Variants in RGL1 observed in about 807,000 individuals in gnomAD.
RGL1 encodes the protein ral guanine nucleotide dissociation stimulator-like 1.
A neutral mutation model predicts 95.2 loss-of-function variants in RGL1; 24 were observed. That is an observed-to-expected ratio of 0.25 (90% CI 0.18 to 0.35). RGL1 has a LOEUF of 0.35. Among genes scored for constraint, RGL1 ranks in the 10% least tolerant of loss-of-function variants. The probability of loss-of-function intolerance (pLI) is 1.00; values close to 1 mark genes in which losing one functional copy is unlikely to be tolerated. For missense variants in RGL1, 715 were observed against 936.3 expected, an observed-to-expected ratio of 0.76 and a Z score of 3.08; for synonymous variants, 329 against 344.9, an observed-to-expected ratio of 0.95 and a Z score of 0.51.
chr1:183,675,317 T>C (rs1457225501), intron 1 of RGL1, among the ~76,000 whole-genome samples: 1 of 151,880 alleles, frequency 6.6e-6, no homozygotes, highest in African/African-American at 2.4e-5. Flanking sequence ...CTTTGTTTTC[T>C]TTTCTTCTTT....
intron 15 of RGL1, among the ~76,000 whole-genome samples, chr1:183,913,087 G>T (rs947339411): frequency 2.0e-5 from 3 of 147,768 alleles, no homozygotes; most frequent in African/African-American, 7.5e-5. Flanking sequence ...GGTGATAAAA[G>T]AATTTCCGTC....
At chr1:183,864,424 C>G (rs1173466029) in intron 3 of RGL1, among the ~76,000 whole-genome samples, 1 of 152,174 alleles carries the variant, frequency 6.6e-6, no homozygotes, top group Non-Finnish European at 1.5e-5. Context: ...TTTCCAAGAT[C>G]CCACTCTTGC....
intron 3 of RGL1, among the ~76,000 whole-genome samples, chr1:183,850,846 CCT>C (rs1388013566): frequency 6.6e-6 from 1 of 152,080 alleles, no homozygotes; most frequent in Non-Finnish European, 1.5e-5. Context: ...TTAAAAAACT[CCT>C]ACAAGTTTAC....
intron 4 of RGL1, among the ~76,000 whole-genome samples, chr1:183,869,334 T>G (rs556136511): frequency 1.6e-4 from 25 of 152,294 alleles, no homozygotes; most frequent in African/African-American, 5.8e-4. Context: ...TAAAGAGTTT[T>G]AGAGTTTTAA....
At chr1:183,767,066 A>C (rs1476802887) in intron 2 of RGL1, among the ~76,000 whole-genome samples, 1 of 151,986 alleles carries the variant, frequency 6.6e-6, no homozygotes, top group Non-Finnish European at 1.5e-5. Flanking sequence ...AAATTAAAAA[A>C]AAAATTAGCC....
intron 11 of RGL1, among the ~76,000 whole-genome samples, chr1:183,901,342 C>T (rs569576285): frequency 2.0e-5 from 3 of 151,996 alleles, no homozygotes; most frequent in Admixed American, 6.6e-5. Context: ...CAAAAATTAG[C>T]CGGTCATGGT....
chr1:183,694,545 A>G (rs1194614088), intron 1 of RGL1, among the ~76,000 whole-genome samples: 1 of 152,242 alleles, frequency 6.6e-6, no homozygotes, highest in Non-Finnish European at 1.5e-5. Context: ...TCATTTCAAC[A>G]TAAAGCATTT....
chr1:183,819,411 T>C (rs2102451991), intron 2 of RGL1, among the ~76,000 whole-genome samples: 1 of 152,334 alleles, frequency 6.6e-6, no homozygotes, highest in Non-Finnish European at 1.5e-5. Context: ...ATATTTTGGG[T>C]ATACTTTTAC....
chr1:183,779,279 C>T (rs745888544), intron 2 of RGL1, among the ~76,000 whole-genome samples: 3 of 150,058 alleles, frequency 2.0e-5, no homozygotes, highest in Non-Finnish European at 4.4e-5. Context: ...CTTGCTTTGT[C>T]GTCCAGGCTG....
At chr1:183,796,872 T>G (rs534418514) in intron 2 of RGL1, among the ~76,000 whole-genome samples, 19 of 152,346 alleles carry the variant, frequency 1.2e-4, no homozygotes, top group African/African-American at 4.3e-4. Context: ...GTTGTATGTT[T>G]TGATCTTTTC....
intron 1 of RGL1, among the ~76,000 whole-genome samples, chr1:183,705,944 A>G (rs1470489948): frequency 6.6e-6 from 1 of 151,812 alleles, no homozygotes; most frequent in Admixed American, 6.6e-5. Context: ...CTGGGTGGGG[A>G]CTTTAAGAGT....
At chr1:183,919,159 A>C (rs1173037611) in intron 16 of RGL1, among the ~76,000 whole-genome samples, 1 of 152,268 alleles carries the variant, frequency 6.6e-6, no homozygotes, top group Non-Finnish European at 1.5e-5. Flanking sequence ...AACACATTGC[A>C]TGTTAATGTA....
chr1:183,791,564 A>G (rs1660442213), intron 2 of RGL1, among the ~76,000 whole-genome samples: 1 of 152,256 alleles, frequency 6.6e-6, no homozygotes, highest in Non-Finnish European at 1.5e-5. Context: ...AACTGACCAC[A>G]CTAAGACTTC....
chr1:183,827,428 G>A (rs1210458015), intron 2 of RGL1, among the ~76,000 whole-genome samples: 3 of 152,170 alleles, frequency 2.0e-5, no homozygotes, highest in Non-Finnish European at 2.9e-5. Context: ...TGTTAAACTG[G>A]AATCTCTCCC....
At chr1:183,889,313 T>A (rs79281148) in intron 8 of RGL1, among the ~76,000 whole-genome samples, 11 of 152,288 alleles carry the variant, frequency 7.2e-5, no homozygotes, top group African/African-American at 2.6e-4. Context: ...TGAGTACAAC[T>A]AGGCCAGCTA....
chr1:183,732,925 G>T (rs546262219), intron 1 of RGL1, among the ~76,000 whole-genome samples: 4 of 152,254 alleles, frequency 2.6e-5, no homozygotes, highest in African/African-American at 4.8e-5. Flanking sequence ...AGTAGAATTT[G>T]GTTCTCAAAG....
chr1:183,881,871 C>T (rs1047286247), intron 5 of RGL1, among the ~76,000 whole-genome samples: 1 of 152,242 alleles, frequency 6.6e-6, no homozygotes, highest in Admixed American at 6.5e-5. Context: ...CGGACCTCAG[C>T]TCCCTTCAGG....
intron 1 of RGL1, chr1:183,648,706 G>A: frequency 6.2e-7 from 1 of 1,614,130 alleles, no homozygotes; most frequent in Non-Finnish European, 8.5e-7. Context: ...GAGCAATCGA[G>A]AGAGAAGCTT....
At chr1:183,637,041 C>T (rs750532552) in intron 1 of RGL1, among the ~76,000 whole-genome samples, 12 of 152,146 alleles carry the variant, frequency 7.9e-5, no homozygotes, top group Non-Finnish European at 1.6e-4. Flanking sequence ...AAAACTCAGG[C>T]TTAAGTGTTG....
Sources: allele counts gnomAD v4.1 joint callset (sites outside exome capture counted in the v4.1 genomes callset), GRCh38; gene constraint gnomAD v4.1.1; transcripts MANE v1.5; gene names NCBI Gene and HGNC (gene_info 2026-07-23, HGNC 2026-07-21).